RAB7A: variants seen among roughly 807,000 people sequenced by gnomAD.
The protein encoded by RAB7A is ras-related protein Rab-7a.
In RAB7A, 2 loss-of-function variants were observed where a neutral mutation model predicts 24.5. The ratio of observed to expected loss-of-function variants is 0.08; its 90% confidence interval spans 0.03 to 0.26. RAB7A has a LOEUF of 0.26. RAB7A is among the 10% of genes least tolerant of loss of function. The pLI is 1.00. For synonymous variants in RAB7A, 100 were observed against 95.9 expected (o/e 1.04, Z -0.25); for missense variants, 118 against 255.7 (o/e 0.46, Z 3.67).
rs748597520 is a variant in RAB7A, at chr3:128,813,311, C to T, written c.529-16C>T. 3.1e-6 allele frequency: 5 copies of T among 1,610,650 alleles called. No individual in the cohort carries two copies. The highest frequency in any genetic ancestry group is 3.4e-6 in the Non-Finnish European group (4 of 1,176,858). ...TATTCCCTGAGTAACCAACCTTTCT[C>T]TGTTTCCTTGTCCAGGAAACGGAGG... On this transcript the variant is annotated splice_polypyrimidine_tract_variant and intron_variant, in intron 5 of 5. Transcript: ENST00000265062.
At chr3:128,809,647 C>T (rs972216108) in intron 5 of RAB7A, among the ~76,000 whole-genome samples, 1 of 152,160 alleles carries the variant, frequency 6.6e-6, no homozygotes, top group African/African-American at 2.4e-5. Flanking sequence ...TTTCCTGTGT[C>T]TACCTCAGAT....
intron 1 of RAB7A, among the ~76,000 whole-genome samples, chr3:128,763,119 A>G (rs2070788137): frequency 6.7e-6 from 1 of 148,482 alleles, no homozygotes; most frequent in African/African-American, 2.5e-5. Flanking sequence ...TTGATGTTTA[A>G]TGTATTTCTC....
At chr3:128,803,240 C>G (rs552234391) in intron 3 of RAB7A, among the ~76,000 whole-genome samples, 3 of 152,244 alleles carry the variant, frequency 2.0e-5, no homozygotes, top group Non-Finnish European at 2.9e-5. Context: ...ATACTTTTCA[C>G]CTTTGGCATT....
At chr3:128,764,217 A>G (rs1265278098) in intron 1 of RAB7A, among the ~76,000 whole-genome samples, 2 of 151,746 alleles carry the variant, frequency 1.3e-5, no homozygotes, top group Admixed American at 1.3e-4. Context: ...AGTGTGAGTG[A>G]TGAGTAGTGC....
chr3:128,735,418 CTG>C (rs2070481795), intron 1 of RAB7A, among the ~76,000 whole-genome samples: 1 of 152,236 alleles, frequency 6.6e-6, no homozygotes, highest in African/African-American at 2.4e-5. Flanking sequence ...GCACTTCACT[CTG>C]TAATGCTGGA....
chr3:128,736,237 G>A (rs1014666763), intron 1 of RAB7A, among the ~76,000 whole-genome samples: 3 of 152,100 alleles, frequency 2.0e-5, no homozygotes, highest in African/African-American at 7.2e-5. Context: ...GTGGGACTGG[G>A]ACTAGCATCC....
At chr3:128,751,281 C>A (rs151056020) in intron 1 of RAB7A, among the ~76,000 whole-genome samples, 1 of 152,120 alleles carries the variant, frequency 6.6e-6, no homozygotes, top group African/African-American at 2.4e-5. Context: ...ACAGCTTGCA[C>A]CATCCACTTG....
intron 3 of RAB7A, among the ~76,000 whole-genome samples, chr3:128,798,682 T>C (rs1933629757): frequency 6.6e-6 from 1 of 152,014 alleles, no homozygotes; most frequent in African/African-American, 2.4e-5. Flanking sequence ...ATTTTGTTTG[T>C]ATACATGTAT....
intron 1 of RAB7A, among the ~76,000 whole-genome samples, chr3:128,779,530 C>T (rs1933171707): frequency 1.4e-5 from 2 of 142,568 alleles, no homozygotes; most frequent in African/African-American, 5.3e-5. Flanking sequence ...TTACCTGATG[C>T]ATGCAGCAAT....
intron 1 of RAB7A, among the ~76,000 whole-genome samples, chr3:128,792,817 T>A (rs1049542751): frequency 9.5e-5 from 13 of 137,436 alleles, no homozygotes; most frequent in South Asian, 4.8e-4. Context: ...CCGAGCTAAT[T>A]TTTATTTATT....
intron 1 of RAB7A, among the ~76,000 whole-genome samples, chr3:128,746,246 G>A (rs973450328): frequency 6.6e-6 from 1 of 152,028 alleles, no homozygotes; most frequent in South Asian, 2.1e-4. Flanking sequence ...ACTTCTGTGG[G>A]TTCAACTGTT....
Position 128,813,606 on chromosome 3 carries a change from C to T in RAB7A, c.*184C>T, listed in dbSNP as rs904701810. On this transcript the variant is annotated 3_prime_UTR_variant, in exon 6 of 6. Coordinates refer to ENST00000265062, the MANE Select transcript of RAB7A (RefSeq NM_004637.6). ...TCTCTCACACACACACACACACGCA[C>T]ACACACACACACAGATCTGACGTAA... The T allele has an allele frequency of 3.5e-5, 21 of 597,590 alleles. No individual in the cohort carries two copies. Among genetic ancestry groups the T allele is most frequent in the Non-Finnish European group, 6.6e-5 (21 of 319,552 alleles). 37.0% of individuals were successfully genotyped at this position (597,590 alleles called of 1,614,324 possible).
rs1165117893 is a variant in RAB7A at position 128,732,583 on chromosome 3, CT to C, written c.-9+6227del. ...TACTTTGGGAGGAGTAATCCCAGCA[CT>C]TTGGGAGGGTAAGGCAGGAGGATTG... On this transcript the variant is annotated intron_variant, in intron 1 of 5. Coordinates refer to ENST00000265062, the MANE Select transcript of RAB7A (RefSeq NM_004637.6). Among the ~76,000 whole-genome samples the C allele has an allele frequency of 2.0e-5, 3 of 152,068 alleles. No homozygotes were observed. In the East Asian group the frequency reaches 5.8e-4, roughly 29 times the overall value.
chr3:128,762,956 C>T (rs537055638), intron 1 of RAB7A, among the ~76,000 whole-genome samples: 1 of 152,150 alleles, frequency 6.6e-6, no homozygotes, highest in African/African-American at 2.4e-5. Flanking sequence ...TAAATTAGAC[C>T]TCATGATACT....
rs1233546261 is a variant in RAB7A, at chr3:128,813,976, G to A, written c.*554G>A. ...TGTATGTATCTATCTGTTAATGCTT[G>A]TTACTTTTAACTAATCAGATCTTTT... On this transcript the variant is annotated 3_prime_UTR_variant, in exon 6 of 6. Coordinates refer to ENST00000265062, the MANE Select transcript of RAB7A (RefSeq NM_004637.6). 6.1e-6 allele frequency: 1 copy of A among 163,132 alleles called. No individual in the cohort carries two copies. Among genetic ancestry groups the A allele is most frequent in the Non-Finnish European group, 1.4e-5 (1 of 73,290 alleles). 10.1% of individuals were successfully genotyped at this position (163,132 alleles called of 1,614,324 possible). A position where few individuals can be genotyped will look rare whatever the true frequency, so the allele number is the denominator to read the frequency against.
intron 1 of RAB7A, among the ~76,000 whole-genome samples, chr3:128,768,118 C>T (rs893247589): frequency 1.3e-5 from 2 of 152,314 alleles, no homozygotes; most frequent in South Asian, 4.1e-4. Context: ...AACCACTGAT[C>T]TGCTTTCTAG....
intron 1 of RAB7A, among the ~76,000 whole-genome samples, chr3:128,784,698 C>T (rs1388725408): frequency 6.6e-6 from 1 of 152,146 alleles, no homozygotes; most frequent in African/African-American, 2.4e-5. Context: ...GTTCCCTTTT[C>T]CCCCTTCATA....
intron 1 of RAB7A, among the ~76,000 whole-genome samples, chr3:128,781,780 G>A (rs776486702): frequency 1.3e-5 from 2 of 152,048 alleles, no homozygotes; most frequent in South Asian, 2.1e-4. Flanking sequence ...TTGGGAGGCC[G>A]AGGCGCTGAA....
At chr3:128,809,112 ACCTGTTC>A (rs1483061970) in intron 5 of RAB7A, among the ~76,000 whole-genome samples, 1 of 152,128 alleles carries the variant, frequency 6.6e-6, no homozygotes, top group Non-Finnish European at 1.5e-5. Flanking sequence ...AGTGTTTCCC[ACCTGTTC>A]CCTGTTGCCT....
Sources: gnomAD v4.1 joint callset for allele counts (sites outside exome capture counted in the v4.1 genomes callset) on GRCh38, gnomAD v4.1.1 for gene constraint, MANE v1.5 for transcripts, NCBI Gene and HGNC (gene_info 2026-07-23, HGNC 2026-07-21) for gene names.